TXNDC5: variants seen among roughly 807,000 people sequenced by gnomAD.
TXNDC5 encodes thioredoxin domain containing 5, also known as thioredoxin domain-containing protein 5.
Under a neutral mutation model 52.6 loss-of-function variants are expected in TXNDC5, and 44 were observed. That is an observed-to-expected ratio of 0.84 (90% CI 0.66 to 1.08). The LOEUF is 1.08. Among genes scored for constraint, TXNDC5 ranks in the 50% least tolerant of loss-of-function variants. The pLI is 0.00. For missense variants in TXNDC5, 600 were observed against 565.5 expected (o/e 1.06, Z -0.62); for synonymous variants, 241 against 234.4 (o/e 1.03, Z -0.26).
intron 4 of TXNDC5, among the ~76,000 whole-genome samples, chr6:7,892,553 C>A (rs139205361): frequency 3.7e-4 from 57 of 152,374 alleles, no homozygotes; most frequent in African/African-American, 1.2e-3. Flanking sequence ...CAAATCTCAT[C>A]TTGAATTCCC....
At chr6:7,883,813 CAAA>C (rs1261096828) in intron 9 of TXNDC5, among the ~76,000 whole-genome samples, 4 of 151,998 alleles carry the variant, frequency 2.6e-5, no homozygotes, top group Admixed American at 6.6e-5. Context: ...GTCTGAATAA[CAAA>C]GAAGAAAAAA....
In TXNDC5 at chr6:7,891,689, CT is replaced by C; in HGVS notation, c.663del (p.Ala222ProfsTer65). Reference sequence around the variant, plus strand: ...AGCTGCTCCCAGGTTGGAGCCAGGGCTTTGCAGTGACCACACCACGGAGCGA... The same window carrying C: ...AGCTGCTCCCAGGTTGGAGCCAGGGCTTGCAGTGACCACACCACGGAGCGA... ...KFFAPWCGHC[K>X]ALAPTWEQLA... On this transcript the variant is annotated frameshift_variant, in exon 5 of 10. Transcript: ENST00000379757. LOFTEE classifies it high-confidence loss of function. 1.2e-6 allele frequency: 2 copies of C among 1,614,010 alleles called. No individual in the cohort carries two copies. Among genetic ancestry groups the C allele is most frequent in the Non-Finnish European group, 1.7e-6 (2 of 1,179,926 alleles).
intron 2 of TXNDC5, among the ~76,000 whole-genome samples, chr6:7,900,520 T>C (rs558078696): frequency 6.6e-6 from 1 of 152,312 alleles, no homozygotes; most frequent in South Asian, 2.1e-4. Flanking sequence ...CTACAGCGCG[T>C]ATGTGGATTT....
chr6:7,884,288 G>T (rs938268173), intron 9 of TXNDC5, 71 bp downstream of exon 9: 13 of 1,592,272 alleles, frequency 8.2e-6, no homozygotes, highest in Middle Eastern at 1.9e-4. Context: ...AGTTATCGTG[G>T]TTGAGGCACA....
intron 7 of TXNDC5, 54 bp from the exon 8 acceptor site, chr6:7,886,097 G>A: frequency 2.6e-6 from 4 of 1,519,424 alleles, no homozygotes; most frequent in Non-Finnish European, 2.7e-6. Context: ...GTTGAGCAGG[G>A]CCATGCTTTG....
At chr6:7,894,225 C>A (rs1760293182) in intron 4 of TXNDC5, among the ~76,000 whole-genome samples, 1 of 151,790 alleles carries the variant, frequency 6.6e-6, no homozygotes, top group Non-Finnish European at 1.5e-5. Flanking sequence ...CTCAAGTGAT[C>A]TTCCCACCTC....
chr6:7,901,222 T>C (rs1760555925), intron 2 of TXNDC5, among the ~76,000 whole-genome samples: 1 of 152,146 alleles, frequency 6.6e-6, no homozygotes, highest in Non-Finnish European at 1.5e-5. Flanking sequence ...AACTGCAACA[T>C]CTGCGGTATC....
intron 4 of TXNDC5, chr6:7,894,693 A>G: frequency 1.0e-6 from 1 of 981,166 alleles, no homozygotes; most frequent in Non-Finnish European, 1.2e-6. Context: ...AGAGGGATAC[A>G]AAGTAAGCAC....
chr6:7,910,785 G>A lies in TXNDC5; in HGVS notation c.-9C>T, dbSNP rs565831496. 8.1e-6 allele frequency: 8 copies of A among 985,792 alleles called. No individual in the cohort carries two copies. In the South Asian group the frequency reaches 1.8e-4, roughly 22 times the overall value. 61.1% of individuals were successfully genotyped at this position (985,792 alleles called of 1,614,324 possible). The stretch of plus-strand genomic sequence containing the variant: ...CCTGGGCGCGCGGGCATCGCGGCGG[G>A]GCTGGGCGCGCTCTCGCCGCGGCCT... On this transcript the variant is annotated 5_prime_UTR_variant, in exon 1 of 10. Coordinates refer to ENST00000379757, the MANE Select transcript of TXNDC5 (RefSeq NM_030810.5).
Position 7,884,386 on chromosome 6 carries a change from AGCAGT to A in TXNDC5, c.1144_1148del (p.Thr382Ter). On this transcript the variant is annotated frameshift_variant, in exon 9 of 10. Transcript: ENST00000379757. LOFTEE classifies it low-confidence loss of function (END_TRUNC). ...AATACTTGCTGCAGATATTCCGTTC[AGCAGT>A]GCAGTCTACTTCGGCGATCTTGACC... The A allele has an allele frequency of 6.2e-7, 1 of 1,614,160 alleles. No homozygotes were observed. The highest frequency in any genetic ancestry group is 1.3e-5 in the African/African-American group (1 of 75,044).
Position 7,883,086 on chromosome 6 carries a change from G to A in TXNDC5, c.*58C>T. The A allele has an allele frequency of 6.2e-7, 1 of 1,609,916 alleles. No homozygotes were observed. Among genetic ancestry groups the A allele is most frequent in the South Asian group, 1.1e-5 (1 of 90,842 alleles). ...GGAACCCAGTGGCCTCTGTGGGACT[G>A]AACTCCTAAACGCAGGGTGCGGGAG... is the stretch of plus-strand genomic sequence containing the variant. On this transcript the variant is annotated 3_prime_UTR_variant, in exon 10 of 10. Transcript: ENST00000379757.
chr6:7,889,692 C>G, intron 5 of TXNDC5, 111 bp from the exon 6 acceptor site: 1 of 784,768 alleles, frequency 1.3e-6, no homozygotes, highest in Non-Finnish European at 2.0e-6. Flanking sequence ...AATCCACATT[C>G]TGTAGCAACT....
chr6:7,902,843 T>C (rs1760612614), intron 2 of TXNDC5, among the ~76,000 whole-genome samples: 1 of 152,220 alleles, frequency 6.6e-6, no homozygotes, highest in Admixed American at 6.5e-5. Flanking sequence ...CATGGGCCTT[T>C]TTAAATTTGT....
intron 1 of TXNDC5, among the ~76,000 whole-genome samples, chr6:7,907,203 A>G (rs563612030): frequency 6.6e-6 from 1 of 150,776 alleles, no homozygotes; most frequent in East Asian, 1.9e-4. Flanking sequence ...TAGATTAAGA[A>G]TGAGAATAAA....
At chr6:7,904,456 T>C in intron 2 of TXNDC5, 118 bp downstream of exon 2, 9 of 1,324,212 alleles carry the variant, frequency 6.8e-6, no homozygotes, top group South Asian at 2.9e-5. Context: ...TTCTCCCTAA[T>C]GACAGGGACT....
rs973398151 is a variant in TXNDC5, at chr6:7,904,486, C to A, written c.413+88G>T. The A allele has an allele frequency of 5.9e-6, 9 of 1,521,292 alleles. No individual in the cohort carries two copies. The Admixed American group carries it at 1.4e-4, about 23-fold the overall frequency. The allele number at this position is 1,521,292 out of a possible 1,614,324, so 94.2% of individuals were successfully genotyped here. On this transcript the variant is annotated intron_variant, in intron 2 of 9. Coordinates refer to ENST00000379757, the MANE Select transcript of TXNDC5 (RefSeq NM_030810.5). Reference sequence around the variant, plus strand: ...GGGACTGCCTGCTTAAATTTAGTATCTCTTCACACCTTTACCAAAAGTTTA... The same window carrying A: ...GGGACTGCCTGCTTAAATTTAGTATATCTTCACACCTTTACCAAAAGTTTA...
intron 8 of TXNDC5, 50 bp downstream of exon 8, chr6:7,885,911 G>T (rs775190112): frequency 1.3e-6 from 2 of 1,555,680 alleles, no homozygotes; most frequent in Admixed American, 3.4e-5. Flanking sequence ...AAAACATGAT[G>T]TGACTTAGTA....
intron 3 of TXNDC5, 21 bp downstream of exon 3, chr6:7,899,555 G>A (rs935989374): frequency 5.1e-6 from 8 of 1,583,668 alleles, no homozygotes; most frequent in Admixed American, 3.4e-5. Context: ...GAGGGAGGGA[G>A]GGAAGGAGGT....
intron 7 of TXNDC5, among the ~76,000 whole-genome samples, 155 bp downstream of exon 7, chr6:7,888,550 C>T (rs1009063379): frequency 6.6e-6 from 1 of 151,648 alleles, no homozygotes; most frequent in South Asian, 2.1e-4. Context: ...ATGAAAAATA[C>T]GTGTTGAAAA....
Sources: allele counts gnomAD v4.1 joint callset (sites outside exome capture counted in the v4.1 genomes callset), GRCh38; gene constraint gnomAD v4.1.1; transcripts MANE v1.5; gene names NCBI Gene and HGNC (gene_info 2026-07-23, HGNC 2026-07-21).